The following COL19A1 variants were observed in gnomAD, a reference collection of about 807,000 sequenced individuals.
COL19A1 encodes the protein collagen alpha-1(XIX) chain.
A neutral mutation model predicts 190.2 loss-of-function variants in COL19A1; 159 were observed. The observed-to-expected ratio is 0.84, with a 90% CI of 0.73 to 0.95. The LOEUF (loss-of-function observed/expected upper bound fraction) is 0.95. Among genes scored for constraint, COL19A1 ranks in the 40% least tolerant of loss-of-function variants. The pLI is 0.00. For missense variants in COL19A1, 1,418 were observed against 1,431.9 expected, an observed-to-expected ratio of 0.99 and a Z score of 0.16; for synonymous variants, 509 against 458.9, an observed-to-expected ratio of 1.11 and a Z score of -1.39.
intron 9 of COL19A1, among the ~76,000 whole-genome samples, chr6:69,940,377 A>G (rs550697030): frequency 1.3e-5 from 2 of 152,246 alleles, no homozygotes; most frequent in Admixed American, 1.3e-4. Flanking sequence ...AATAAAATAC[A>G]GGGCCTGCTC....
intron 11 of COL19A1, among the ~76,000 whole-genome samples, chr6:70,000,167 C>T (rs1469374171): frequency 6.6e-6 from 1 of 152,130 alleles, no homozygotes; most frequent in Non-Finnish European, 1.5e-5. Flanking sequence ...TGGTTTCCGG[C>T]TTCATCCATG....
chr6:69,958,419 C>T (rs1379871935), intron 9 of COL19A1, among the ~76,000 whole-genome samples: 4 of 152,100 alleles, frequency 2.6e-5, no homozygotes, highest in Admixed American at 2.6e-4. Flanking sequence ...ACAGGAGCTC[C>T]ATTTCCATAG....
chr6:70,169,480 A>T (rs1480786018), intron 40 of COL19A1, among the ~76,000 whole-genome samples: 1 of 152,178 alleles, frequency 6.6e-6, no homozygotes, highest in African/African-American at 2.4e-5. Flanking sequence ...ATTATAGTAC[A>T]GTTTGTTAAA....
At chr6:70,122,003 G>A (rs1784912507) in intron 17 of COL19A1, 61 bp downstream of exon 17, 1 of 1,121,476 alleles carries the variant, frequency 8.9e-7, no homozygotes, top group Non-Finnish European at 1.3e-6. Flanking sequence ...TTGTATTTTT[G>A]AAAAAAAACT....
intron 11 of COL19A1, among the ~76,000 whole-genome samples, chr6:69,993,388 T>G (rs914513981): frequency 5.3e-5 from 8 of 152,164 alleles, no homozygotes; most frequent in African/African-American, 1.9e-4. Flanking sequence ...TTTGTGTCTA[T>G]GTTCTTCAAG....
At chr6:69,991,552 A>G (rs749825920) in intron 11 of COL19A1, among the ~76,000 whole-genome samples, 1 of 151,908 alleles carries the variant, frequency 6.6e-6, no homozygotes, top group Non-Finnish European at 1.5e-5. Flanking sequence ...AACATCTGTT[A>G]TTTTTTGACA....
chr6:70,097,059 AC>A (rs1436905364), intron 15 of COL19A1, among the ~76,000 whole-genome samples: 1 of 152,136 alleles, frequency 6.6e-6, no homozygotes, highest in Non-Finnish European at 1.5e-5. Context: ...ATCCTCATCA[AC>A]AACAAAAACC....
intron 49 of COL19A1, 34 bp from the exon 50 acceptor site, chr6:70,206,867 T>C: frequency 1.3e-6 from 2 of 1,592,380 alleles, no homozygotes; most frequent in South Asian, 2.3e-5. Context: ...AGAACCCTTT[T>C]TGTGTGTCTC....
chr6:70,121,916 G>C lies in COL19A1; in HGVS notation c.1315G>C (p.Gly439Arg), dbSNP rs1479257842. The change falls in exon 17 of 51, where the codon GGT (glycine) becomes CGT (arginine). Residue 439 changes from glycine (G) to arginine (R), a missense_variant. By Grantham distance (125) the Gly-to-Arg change is moderately radical. Coordinates refer to ENST00000620364, the MANE Select transcript of COL19A1 (RefSeq NM_001858.6). ...PGIQGIHQTLGGYYNKDNKGN... is the reference protein window; with the variant it reads ...PGIQGIHQTLRGYYNKDNKGN... The stretch of plus-strand genomic sequence containing the variant: ...AATACAAGGAATACACCAAACTCTT[G>C]GTGGATATTATAACAAGGATAACAA... 1.3e-6 allele frequency: 2 copies of C among 1,587,458 alleles called. No homozygotes were observed. The highest frequency in any genetic ancestry group is 1.7e-6 in the Non-Finnish European group (2 of 1,168,608).
intron 31 of COL19A1, among the ~76,000 whole-genome samples, chr6:70,154,570 T>C (rs1051946036): frequency 6.6e-6 from 1 of 152,134 alleles, no homozygotes; most frequent in Non-Finnish European, 1.5e-5. Flanking sequence ...TATATATGTA[T>C]ATATGAAAGG....
At chr6:70,126,513 C>T (rs186591230) in intron 17 of COL19A1, among the ~76,000 whole-genome samples, 136 of 152,354 alleles carry the variant, frequency 8.9e-4, no homozygotes, top group African/African-American at 3.1e-3. Flanking sequence ...AGCCCCCCAA[C>T]TCACCTGAGT....
chr6:70,036,240 C>G (rs916759396), intron 14 of COL19A1, among the ~76,000 whole-genome samples: 1 of 152,194 alleles, frequency 6.6e-6, no homozygotes, highest in African/African-American at 2.4e-5. Flanking sequence ...ATTATGCACT[C>G]TTAACATCAG....
In COL19A1 at chr6:70,209,704, G is replaced by A. The variant is rs1768081161; in HGVS notation, c.*2430G>A. 1 of 152,042 alleles carries A rather than the reference G, an allele frequency of 6.6e-6. No homozygotes were observed. Among genetic ancestry groups the A allele is most frequent in the Non-Finnish European group, 1.5e-5 (1 of 67,996 alleles). The allele number at this position is 152,042 out of a possible 1,614,324, so 9.4% of individuals were successfully genotyped here. A position where few individuals can be genotyped will look rare whatever the true frequency, so the allele number is the denominator to read the frequency against. On this transcript the variant is annotated 3_prime_UTR_variant, in exon 51 of 51. Coordinates refer to ENST00000620364, the MANE Select transcript of COL19A1 (RefSeq NM_001858.6). The stretch of plus-strand genomic sequence containing the variant: ...GACACAAACTCATTTTTTGTAACTG[G>A]GAAATATGACTAAATTTGACGTAAC...
chr6:70,181,852 A>G (rs1766198550), intron 44 of COL19A1, among the ~76,000 whole-genome samples: 1 of 152,132 alleles, frequency 6.6e-6, no homozygotes, highest in South Asian at 2.1e-4. Context: ...TGGCTAGGAG[A>G]GAAGTGAGCC....
At chr6:70,032,144 A>T (rs763036853) in intron 12 of COL19A1, among the ~76,000 whole-genome samples, 26 of 152,152 alleles carry the variant, frequency 1.7e-4, no homozygotes, top group Admixed American at 1.4e-3. Context: ...TACCAAACTG[A>T]TCTAAGAAGA....
At chr6:70,092,868 T>C (rs750772846) in intron 15 of COL19A1, among the ~76,000 whole-genome samples, 1 of 152,212 alleles carries the variant, frequency 6.6e-6, no homozygotes, top group Non-Finnish European at 1.5e-5. Flanking sequence ...ATATTACTAA[T>C]GATTATTTGT....
intron 11 of COL19A1, among the ~76,000 whole-genome samples, chr6:70,021,511 C>G (rs886946359): frequency 1.3e-5 from 2 of 152,144 alleles, no homozygotes; most frequent in African/African-American, 4.8e-5. Flanking sequence ...AATTTCTATT[C>G]ACTCTAATAA....
chr6:70,134,459 CA>C (rs1161734570), intron 18 of COL19A1, among the ~76,000 whole-genome samples: 2 of 152,132 alleles, frequency 1.3e-5, no homozygotes, highest in South Asian at 2.1e-4. Flanking sequence ...GATATTGCTT[CA>C]AAAGGCACAT....
chr6:70,199,705 G>T lies in COL19A1; in HGVS notation c.3192G>T (p.Leu1064Phe), dbSNP rs1159873541. The change falls in exon 49 of 51, where the codon TTG (leucine) becomes TTT (phenylalanine). Residue 1064 changes from leucine (L) to phenylalanine (F), a missense_variant. By Grantham distance (22) the Leu-to-Phe change is conservative. Coordinates refer to ENST00000620364, the MANE Select transcript of COL19A1 (RefSeq NM_001858.6). ...CTGGGCCACCAGGGAAGGATGGGTT[G>T]CCTGGGCCACCAGGAGACCCTGGAC... ...GRPGPPGKDG[L>F]PGPPGDPGPQ... The T allele has an allele frequency of 6.2e-7, 1 of 1,611,068 alleles. No individual in the cohort carries two copies.
Sources: gnomAD v4.1 joint callset for allele counts (sites outside exome capture counted in the v4.1 genomes callset) on GRCh38, gnomAD v4.1.1 for gene constraint, MANE v1.5 for transcripts, NCBI Gene and HGNC (gene_info 2026-07-23, HGNC 2026-07-21) for gene names.